Variants in C7orf78 observed in about 807,000 individuals in gnomAD.
The protein encoded by C7orf78 is putative uncharacterized protein C7orf78.
chr7:12,487,725 T>C, the C7orf78 span, among the ~76,000 whole-genome samples: 8 of 152,036 alleles, frequency 5.3e-5, no homozygotes, highest in African/African-American at 1.9e-4. Flanking sequence ...GCGGAAAAAT[T>C]GCAAACAAAA....
chr7:12,519,755 G>T, the C7orf78 span, among the ~76,000 whole-genome samples: 1 of 152,114 alleles, frequency 6.6e-6, no homozygotes, highest in Admixed American at 6.5e-5. Context: ...AAGTACTGGG[G>T]ACCCCAAGCA....
At chr7:12,541,098 TGAAATTCCCTTGTTACCACAG>T in the C7orf78 span, 1 of 152,206 alleles carries the variant, frequency 6.6e-6, no homozygotes, top group Non-Finnish European at 1.5e-5. Flanking sequence ...TTGCATAATT[TGAAATTCCCTTGTTACCACAG>T]GGATCAGAAT....
the C7orf78 span, among the ~76,000 whole-genome samples, chr7:12,511,034 T>C: frequency 7.9e-5 from 12 of 152,182 alleles, no homozygotes; most frequent in Admixed American, 7.9e-4. Context: ...TATGTTAAAG[T>C]CTTTAATCCA....
the C7orf78 span, among the ~76,000 whole-genome samples, chr7:12,494,818 G>T: frequency 3.9e-5 from 6 of 152,136 alleles, no homozygotes; most frequent in African/African-American, 1.4e-4. Context: ...CCTCCTCCTA[G>T]TGGTAAGGCT....
the C7orf78 span, among the ~76,000 whole-genome samples, chr7:12,515,856 T>A: frequency 4.6e-5 from 7 of 152,170 alleles, no homozygotes; most frequent in African/African-American, 1.7e-4. Flanking sequence ...AGAAGAAATT[T>A]CTAAGCAGCC....
chr7:12,536,893 G>T, the C7orf78 span, among the ~76,000 whole-genome samples: 42 of 152,100 alleles, frequency 2.8e-4, no homozygotes, highest in Non-Finnish European at 5.6e-4. Flanking sequence ...ATCTCCTTCT[G>T]AGACGACCTC....
chr7:12,504,409 G>A, the C7orf78 span: 1 of 152,164 alleles, frequency 6.6e-6, no homozygotes, highest in South Asian at 2.1e-4. Context: ...CAACCCAGAT[G>A]AGCAAAACTT....
At chr7:12,521,539 T>C in the C7orf78 span, among the ~76,000 whole-genome samples, 12 of 152,116 alleles carry the variant, frequency 7.9e-5, no homozygotes, top group Non-Finnish European at 1.3e-4. Flanking sequence ...GATATTAGAT[T>C]TGCTAAGTAG....
At chr7:12,535,737 G>A in the C7orf78 span, among the ~76,000 whole-genome samples, 7 of 152,280 alleles carry the variant, frequency 4.6e-5, no homozygotes, top group Admixed American at 1.3e-4. Context: ...ATACAATGGC[G>A]GTACAGGCAC....
At chr7:12,520,904 G>A in the C7orf78 span, among the ~76,000 whole-genome samples, 1 of 152,060 alleles carries the variant, frequency 6.6e-6, no homozygotes, top group African/African-American at 2.4e-5. Flanking sequence ...TTGGGTGCTG[G>A]ATGCACATAT....
the C7orf78 span, among the ~76,000 whole-genome samples, chr7:12,497,840 C>T: frequency 0.23 from 34,000 of 150,550 alleles, 4,833 homozygotes; most frequent in East Asian, 0.52. Flanking sequence ...CCCTGTCTGA[C>T]AGCTTTGAAG....
chr7:12,533,827 A>G, the C7orf78 span, among the ~76,000 whole-genome samples: 6 of 152,078 alleles, frequency 3.9e-5, no homozygotes, highest in Non-Finnish European at 8.8e-5. Flanking sequence ...CCAGCCACCA[A>G]AAGTTTCTTA....
At chr7:12,521,119 G>A in the C7orf78 span, among the ~76,000 whole-genome samples, 5 of 152,044 alleles carry the variant, frequency 3.3e-5, no homozygotes, top group Non-Finnish European at 7.4e-5. Context: ...TACAGGTGAA[G>A]TGAGGTTCTT....
chr7:12,534,938 C>A, the C7orf78 span, among the ~76,000 whole-genome samples: 33 of 141,216 alleles, frequency 2.3e-4, no homozygotes, highest in East Asian at 7.0e-3. Context: ...CAGAGCAAGA[C>A]CCTGTCTCAA....
the C7orf78 span, among the ~76,000 whole-genome samples, chr7:12,512,653 T>G: frequency 6.6e-6 from 1 of 152,194 alleles, no homozygotes; most frequent in Non-Finnish European, 1.5e-5. Context: ...GTAGTTTTCT[T>G]ATTTTCTTGT....
the C7orf78 span, among the ~76,000 whole-genome samples, chr7:12,516,951 A>G: frequency 1.3e-5 from 2 of 152,104 alleles, no homozygotes; most frequent in Non-Finnish European, 2.9e-5. Flanking sequence ...TTTGGACTGT[A>G]GACTTTTGGG....
chr7:12,534,977 G>GGGAAGGAAGGAAGGAA, the C7orf78 span, among the ~76,000 whole-genome samples: 11,711 of 130,250 alleles, frequency 0.09, 730 homozygotes, highest in East Asian at 0.19. Flanking sequence ...GAAGGAAGGA[G>GGGAAGGAAGGAAGGAA]GGAAGGAAGG....
chr7:12,497,147 G>A, the C7orf78 span, among the ~76,000 whole-genome samples: 1 of 152,212 alleles, frequency 6.6e-6, no homozygotes, highest in African/African-American at 2.4e-5. Flanking sequence ...TTGGACCAAA[G>A]AAGAGTAAGT....
the C7orf78 span, among the ~76,000 whole-genome samples, chr7:12,502,746 G>T: frequency 6.7e-6 from 1 of 149,946 alleles, no homozygotes; most frequent in Non-Finnish European, 1.5e-5. Flanking sequence ...TATACCCAAA[G>T]GACTATAAAT....
Sources: gnomAD v4.1 joint callset for allele counts (sites outside exome capture counted in the v4.1 genomes callset) on GRCh38, gnomAD v4.1.1 for gene constraint, MANE v1.5 for transcripts, NCBI Gene and HGNC (gene_info 2026-07-23, HGNC 2026-07-21) for gene names.